MSH4: variants seen among roughly 807,000 people sequenced by gnomAD.
The protein encoded by MSH4 is mutS homolog 4.
In MSH4, 106 loss-of-function variants were observed where a neutral mutation model predicts 113.7. That is an observed-to-expected ratio of 0.93 (90% confidence interval 0.80 to 1.10). MSH4 has a LOEUF of 1.10. Among genes scored for constraint, MSH4 ranks in the 50% least tolerant of loss-of-function variants. The pLI is 0.00. For synonymous variants in MSH4, 368 were observed against 380.2 expected, an observed-to-expected ratio of 0.97 and a Z score of 0.37; for missense variants, 1,061 against 1,093.7, an observed-to-expected ratio of 0.97 and a Z score of 0.42.
intron 6 of MSH4, among the ~76,000 whole-genome samples, chr1:75,821,986 T>A (rs1033795530): frequency 6.6e-6 from 1 of 152,032 alleles, no homozygotes; most frequent in African/African-American, 2.4e-5. Flanking sequence ...CAGTAAAGTT[T>A]AAGAATCATT....
chr1:75,831,655 G>A (rs538196963), intron 7 of MSH4, among the ~76,000 whole-genome samples: 1 of 152,254 alleles, frequency 6.6e-6, no homozygotes, highest in African/African-American at 2.4e-5. Flanking sequence ...TAAACTACAT[G>A]GAAACTGAAC....
At chr1:75,887,540 C>T (rs12082448) in intron 15 of MSH4, among the ~76,000 whole-genome samples, 23,246 of 151,798 alleles carry the variant, frequency 0.15, 2,179 homozygotes, top group East Asian at 0.26. Flanking sequence ...CGTTTATCTG[C>T]CTGGAAACTG....
intron 9 of MSH4, among the ~76,000 whole-genome samples, chr1:75,874,460 G>A (rs1039717988): frequency 1.3e-5 from 2 of 151,948 alleles, no homozygotes; most frequent in African/African-American, 4.8e-5. Context: ...GTAGCTGGGA[G>A]TACAGGCATA....
intron 8 of MSH4, among the ~76,000 whole-genome samples, chr1:75,848,714 G>A (rs1003480747): frequency 6.6e-6 from 1 of 151,996 alleles, no homozygotes; most frequent in African/African-American, 2.4e-5. Flanking sequence ...ACTCCAGCCT[G>A]GGTAACATAG....
At chr1:75,856,111 G>A (rs1344399675) in intron 8 of MSH4, among the ~76,000 whole-genome samples, 1 of 152,044 alleles carries the variant, frequency 6.6e-6, no homozygotes, top group Admixed American at 6.6e-5. Context: ...TGAATAGCTT[G>A]CCTGCTTCTA....
At chr1:75,861,832 A>G (rs183223914) in intron 8 of MSH4, among the ~76,000 whole-genome samples, 18 of 152,280 alleles carry the variant, frequency 1.2e-4, no homozygotes, top group African/African-American at 4.1e-4. Flanking sequence ...AAGTCTGGAG[A>G]AGCTGCCTGC....
At chr1:75,858,661 G>A (rs527715591) in intron 8 of MSH4, among the ~76,000 whole-genome samples, 4 of 152,212 alleles carry the variant, frequency 2.6e-5, no homozygotes, top group African/African-American at 4.8e-5. Context: ...TGCTGGATTC[G>A]GTTTGCCAGT....
intron 15 of MSH4, among the ~76,000 whole-genome samples, chr1:75,884,557 A>G (rs1252670259): frequency 1.3e-5 from 2 of 151,974 alleles, no homozygotes; most frequent in African/African-American, 2.4e-5. Flanking sequence ...AGGGGAGTGT[A>G]GAGTCCAGGA....
chr1:75,856,755 C>T lies in MSH4; in HGVS notation c.1230+8479C>T, dbSNP rs1040930631. On this transcript the variant is annotated intron_variant, in intron 8 of 19. Transcript: ENST00000263187. ...TAGTGCTGCAATAAACATACATGTACATGTGTCTTTATCGTAGAATGATTT... is the reference window on the plus strand; with the variant it reads ...TAGTGCTGCAATAAACATACATGTATATGTGTCTTTATCGTAGAATGATTT... Among the ~76,000 whole-genome samples the T allele has an allele frequency of 3.3e-5, 5 of 152,266 alleles. No individual in the cohort carries two copies. The East Asian group carries it at 5.8e-4, about 18-fold the overall frequency.
chr1:75,825,448 C>A (rs748508505), intron 7 of MSH4, among the ~76,000 whole-genome samples: 1 of 151,978 alleles, frequency 6.6e-6, no homozygotes, highest in Admixed American at 6.6e-5. Flanking sequence ...ATATGAATAC[C>A]CTTTATTTCT....
At chr1:75,814,524 A>G (rs1169720671) in intron 4 of MSH4, among the ~76,000 whole-genome samples, 2 of 151,480 alleles carry the variant, frequency 1.3e-5, no homozygotes, top group South Asian at 2.1e-4. Context: ...TGTAAATAGT[A>G]TATCATAGAT....
chr1:75,878,043 T>C (rs745909509), intron 10 of MSH4, 106 bp from the exon 11 acceptor site: 3 of 795,790 alleles, frequency 3.8e-6, no homozygotes, highest in Non-Finnish European at 5.9e-6. Flanking sequence ...TATTTCAAAA[T>C]AACTTTCAAC....
intron 8 of MSH4, among the ~76,000 whole-genome samples, chr1:75,852,994 T>C (rs558601071): frequency 9.9e-5 from 15 of 152,270 alleles, no homozygotes; most frequent in Admixed American, 3.3e-4. Context: ...TATTACGTTA[T>C]ACAGAGCTGA....
intron 17 of MSH4, among the ~76,000 whole-genome samples, chr1:75,892,251 G>C (rs1652272124): frequency 6.6e-6 from 1 of 152,152 alleles, no homozygotes; most frequent in African/African-American, 2.4e-5. Flanking sequence ...GCTTTGGACT[G>C]GAGTTGTACC....
At chr1:75,854,007 G>GTATATATATATATATA (rs150197709) in intron 8 of MSH4, among the ~76,000 whole-genome samples, 83 of 50,410 alleles carry the variant, frequency 1.6e-3, no homozygotes, top group African/African-American at 3.3e-3. Context: ...GCATAAGTGT[G>GTATATATATATATATA]TGTGTGTATA....
chr1:75,797,206 C>A lies in MSH4; in HGVS notation c.221C>A (p.Ala74Glu). The A allele has an allele frequency of 1.2e-6, 2 of 1,605,926 alleles. No individual in the cohort carries two copies. Among genetic ancestry groups the A allele is most frequent in the Non-Finnish European group, 1.7e-6 (2 of 1,176,478 alleles). ...SSSSSSLPCP[A>E]PNSRPAQGSY... ...AGCAGCAGCAGCCTTCCCTGCCCCG[C>A]GCCAAACTCCCGGCCAGCTCAAGGC... The change falls in exon 1 of 20, where the codon GCG becomes GAG. Residue 74 changes from alanine to glutamate, a missense_variant. Transcript: ENST00000263187.
At chr1:75,907,689 C>CATATATGTATATATATAT (rs1652694418) in intron 19 of MSH4, among the ~76,000 whole-genome samples, 1 of 78,622 alleles carries the variant, frequency 1.3e-5, no homozygotes, top group Non-Finnish European at 2.3e-5. Context: ...TCTCTCTATA[C>CATATATGTATATATATAT]ATATATATAT....
intron 1 of MSH4, among the ~76,000 whole-genome samples, chr1:75,799,372 G>A (rs1649887780): frequency 6.6e-6 from 1 of 152,038 alleles, no homozygotes; most frequent in Non-Finnish European, 1.5e-5. Flanking sequence ...AATAATCTGT[G>A]CTCTCAATGA....
intron 1 of MSH4, among the ~76,000 whole-genome samples, chr1:75,800,490 G>A (rs1315410989): frequency 2.6e-5 from 4 of 152,148 alleles, no homozygotes; most frequent in South Asian, 4.1e-4. Context: ...AATACTGGAA[G>A]CAAGGAGAAG....
Sources: gnomAD v4.1 joint callset for allele counts (sites outside exome capture counted in the v4.1 genomes callset) on GRCh38, gnomAD v4.1.1 for gene constraint, MANE v1.5 for transcripts, NCBI Gene and HGNC (gene_info 2026-07-23, HGNC 2026-07-21) for gene names.